MAGI2: variants seen among roughly 807,000 people sequenced by gnomAD.
The protein encoded by MAGI2 is membrane associated guanylate kinase, WW and PDZ domain containing 2, also known as membrane-associated guanylate kinase, WW and PDZ domain-containing protein 2.
In MAGI2, 35 loss-of-function variants were observed where a neutral mutation model predicts 133.3. The ratio of observed to expected loss-of-function variants is 0.26; its 90% CI spans 0.20 to 0.35. The LOEUF is 0.35. Among genes scored for constraint, MAGI2 ranks in the 10% least tolerant of loss-of-function variants. The pLI is 1.00. For synonymous variants in MAGI2, 729 were observed against 710.6 expected (o/e 1.03, Z -0.41); for missense variants, 1,636 against 1,863.4 (o/e 0.88, Z 2.25).
intron 7 of MAGI2, among the ~76,000 whole-genome samples, chr7:78,360,653 A>T (rs190731929): frequency 6.6e-6 from 1 of 152,354 alleles, no homozygotes; most frequent in Admixed American, 6.5e-5. Flanking sequence ...CCAATGAAAG[A>T]TGCTAGCAGT....
chr7:79,008,407 A>G (rs1004488650), intron 1 of MAGI2, among the ~76,000 whole-genome samples: 3 of 152,308 alleles, frequency 2.0e-5, no homozygotes, highest in Middle Eastern at 3.4e-3. Context: ...TTCAAAATCC[A>G]TCATTTCAGT....
At chr7:78,797,959 T>C (rs866760394) in intron 2 of MAGI2, among the ~76,000 whole-genome samples, 2 of 152,112 alleles carry the variant, frequency 1.3e-5, no homozygotes, top group South Asian at 4.1e-4. Flanking sequence ...TCTAGAAACA[T>C]ACTTTGCAAA....
chr7:78,706,993 C>A lies in MAGI2; in HGVS notation c.419-79754G>T, dbSNP rs531267161. On this transcript the variant is annotated intron_variant, in intron 2 of 21. Transcript: ENST00000354212. ...GCCCTCCAGAAGTACATTTCAGCCT[C>A]CTTTGTACTGAATTCTCACTTCTAG... 1.2e-4 allele frequency among the ~76,000 whole-genome samples: 19 copies of A among 152,148 alleles called. 1 individual carries two copies. In the South Asian group the frequency reaches 3.5e-3, roughly 28 times the overall value.
At chr7:78,869,237 A>G (rs1794834868) in intron 2 of MAGI2, among the ~76,000 whole-genome samples, 1 of 152,104 alleles carries the variant, frequency 6.6e-6, no homozygotes, top group Non-Finnish European at 1.5e-5. Context: ...ATTGGGTCCC[A>G]TCTATTTATT....
At chr7:78,394,774 A>G (rs1446550528) in intron 6 of MAGI2, among the ~76,000 whole-genome samples, 1 of 152,044 alleles carries the variant, frequency 6.6e-6, no homozygotes, top group Admixed American at 6.6e-5. Context: ...TTGCATTGCT[A>G]TTTCTCAATG....
chr7:78,186,209 AT>A (rs1440014714), intron 12 of MAGI2, among the ~76,000 whole-genome samples: 10 of 152,258 alleles, frequency 6.6e-5, no homozygotes, highest in Admixed American at 5.2e-4. Context: ...AGCAATAGAG[AT>A]CCTTTATAAG....
intron 9 of MAGI2, among the ~76,000 whole-genome samples, chr7:78,258,423 C>G (rs1053044778): frequency 6.6e-6 from 1 of 152,136 alleles, no homozygotes; most frequent in Non-Finnish European, 1.5e-5. Context: ...ACAACAAATA[C>G]TTGTATACTA....
chr7:78,045,116 G>A (rs1256156932), intron 21 of MAGI2, among the ~76,000 whole-genome samples: 4 of 152,226 alleles, frequency 2.6e-5, no homozygotes, highest in South Asian at 2.1e-4. Flanking sequence ...GCAGTGAGCC[G>A]AGATCGCACC....
At chr7:79,253,367 G>A (rs1182810696) in intron 1 of MAGI2, among the ~76,000 whole-genome samples, 1 of 152,090 alleles carries the variant, frequency 6.6e-6, no homozygotes, top group African/African-American at 2.4e-5. Flanking sequence ...TGTTGGCCAG[G>A]CACGGTGGCT....
At chr7:79,148,897 T>TAG (rs758376766) in intron 1 of MAGI2, among the ~76,000 whole-genome samples, 5 of 147,258 alleles carry the variant, frequency 3.4e-5, no homozygotes, top group Non-Finnish European at 6.0e-5. Context: ...TTTATATATA[T>TAG]ATGTAATTAT....
At chr7:78,972,892 T>G (rs966473413) in intron 2 of MAGI2, among the ~76,000 whole-genome samples, 1 of 151,372 alleles carries the variant, frequency 6.6e-6, no homozygotes, top group Non-Finnish European at 1.5e-5. Flanking sequence ...TAAAATTAAC[T>G]GAAGTAAAGA....
intron 21 of MAGI2, among the ~76,000 whole-genome samples, chr7:78,075,587 A>T (rs1815203771): frequency 6.6e-6 from 1 of 152,086 alleles, no homozygotes; most frequent in Non-Finnish European, 1.5e-5. Context: ...CGTGTTAGCC[A>T]GGATGGTCTC....
At chr7:78,363,372 A>G (rs6466167) in intron 7 of MAGI2, among the ~76,000 whole-genome samples, 1 of 152,162 alleles carries the variant, frequency 6.6e-6, no homozygotes, top group Non-Finnish European at 1.5e-5. Context: ...GGGTGCCTGT[A>G]GTCCCAGCTA....
chr7:78,291,882 G>T lies in MAGI2; in HGVS notation c.1409-35301C>A, dbSNP rs1172495859. 2.0e-5 allele frequency among the ~76,000 whole-genome samples: 3 copies of T among 152,048 alleles called. No individual in the cohort carries two copies. The East Asian group carries it at 5.8e-4, about 29-fold the overall frequency. On this transcript the variant is annotated intron_variant, in intron 9 of 21. Transcript: ENST00000354212. ...AAAAGGCCTTCAACAAAATTCAACA[G>T]CTGTTCATGCTAAAAACTCTCAATA...
chr7:79,004,161 G>A (rs1807182464), intron 2 of MAGI2, among the ~76,000 whole-genome samples: 1 of 152,164 alleles, frequency 6.6e-6, no homozygotes, highest in African/African-American at 2.4e-5. Flanking sequence ...GTACTCATAT[G>A]TTGATTGCAG....
intron 6 of MAGI2, among the ~76,000 whole-genome samples, chr7:78,489,371 C>T (rs1360944398): frequency 1.3e-5 from 2 of 152,000 alleles, no homozygotes; most frequent in Non-Finnish European, 2.9e-5. Context: ...AATGCTAAGC[C>T]TTTCAAAACA....
At chr7:78,403,967 A>T (rs112117681) in intron 6 of MAGI2, among the ~76,000 whole-genome samples, 3 of 152,254 alleles carry the variant, frequency 2.0e-5, no homozygotes, top group Non-Finnish European at 2.9e-5. Context: ...TTCAGCAAAG[A>T]CTCAGGATAC....
At chr7:78,915,623 A>G (rs1052299681) in intron 2 of MAGI2, among the ~76,000 whole-genome samples, 7 of 151,984 alleles carry the variant, frequency 4.6e-5, no homozygotes, top group Non-Finnish European at 1.0e-4. Context: ...TTACTCTCTA[A>G]AGTATCATAT....
chr7:78,605,239 T>G (rs1176781090), intron 3 of MAGI2, among the ~76,000 whole-genome samples: 1 of 152,182 alleles, frequency 6.6e-6, no homozygotes, highest in African/African-American at 2.4e-5. Flanking sequence ...AATGGAAGAA[T>G]TCAAATGATA....
Sources: allele counts gnomAD v4.1 joint callset (sites outside exome capture counted in the v4.1 genomes callset), GRCh38; gene constraint gnomAD v4.1.1; transcripts MANE v1.5; gene names NCBI Gene and HGNC (gene_info 2026-07-23, HGNC 2026-07-21).